Variants in PRKCZ observed in about 807,000 individuals in gnomAD.
PRKCZ encodes protein kinase C zeta type.
A neutral mutation model predicts 79.5 loss-of-function variants in PRKCZ; 33 were observed. That is an observed-to-expected ratio of 0.41 (90% confidence interval 0.31 to 0.55). The LOEUF (loss-of-function observed/expected upper bound fraction) is 0.55, where lower values mean the gene tolerates loss of function less well. PRKCZ is among the 20% of genes least tolerant of loss of function. The pLI is 0.19. For missense variants in PRKCZ, 578 were observed against 813.5 expected (o/e 0.71, Z 3.52); for synonymous variants, 342 against 320.9 (o/e 1.07, Z -0.70).
At chr1:2,104,061 G>T (rs1667947360) in intron 4 of PRKCZ, among the ~76,000 whole-genome samples, 1 of 152,180 alleles carries the variant, frequency 6.6e-6, no homozygotes, top group East Asian at 1.9e-4. Flanking sequence ...GGTTTTCTGG[G>T]GAGAGCAGGG....
Position 2,124,407 on chromosome 1 carries a change from T to G in PRKCZ, c.335-10855T>G, listed in dbSNP as rs372854518. Among the ~76,000 whole-genome samples the G allele has an allele frequency of 2.3e-5, 3 of 132,010 alleles. 1 individual carries two copies. Among genetic ancestry groups the G allele is most frequent in the African/African-American group, 6.2e-5 (2 of 32,460 alleles). The allele number at this position is 132,010 out of a possible 152,430, so 86.6% of individuals were successfully genotyped here. A position where few individuals can be genotyped will look rare whatever the true frequency, so the allele number is the denominator to read the frequency against. On this transcript the variant is annotated intron_variant, in intron 4 of 17. Coordinates refer to ENST00000378567, the MANE Select transcript of PRKCZ (RefSeq NM_002744.6). Reference sequence around the variant, plus strand: ...GTCACGGCGGTGGTTAGGGTCACGGTGGTGGTTAGGGTCACAGGGTAGAAC... The same window carrying G: ...GTCACGGCGGTGGTTAGGGTCACGGGGGTGGTTAGGGTCACAGGGTAGAAC...
intron 4 of PRKCZ, among the ~76,000 whole-genome samples, chr1:2,134,418 T>C (rs921772491): frequency 6.6e-6 from 1 of 152,204 alleles, no homozygotes; most frequent in African/African-American, 2.4e-5. Flanking sequence ...AAGCTTCCCA[T>C]TGTACGTTCC....
intron 4 of PRKCZ, among the ~76,000 whole-genome samples, chr1:2,109,369 C>T (rs1490468124): frequency 3.3e-5 from 5 of 152,236 alleles, no homozygotes; most frequent in Non-Finnish European, 7.3e-5. Flanking sequence ...CTTCCCTTGT[C>T]TCTGGGGGGT....
rs371504744 is a variant in PRKCZ at position 2,175,283 on chromosome 1, C to T, written c.1545C>T (p.His515=). The change falls in exon 16 of 18, where the codon CAC becomes CAT. Residue 515 remains histidine (H), a synonymous_variant. Transcript: ENST00000378567. The part of the protein sequence containing the change: ...PQTGFSDIKS[H]AFFRSIDWDL... ...CTGGATTTTCTGACATCAAGTCCCA[C>T]GCGTTCTTCCGCAGCATAGACTGGG... 1.2e-6 allele frequency: 2 copies of T among 1,613,740 alleles called. No homozygotes were observed. The highest frequency in any genetic ancestry group is 1.7e-6 in the Non-Finnish European group (2 of 1,179,830).
intron 5 of PRKCZ, among the ~76,000 whole-genome samples, chr1:2,139,758 ACC>A (rs1676946328): frequency 6.6e-6 from 1 of 152,122 alleles, no homozygotes; most frequent in Non-Finnish European, 1.5e-5. Flanking sequence ...AAAAGAAATC[ACC>A]CGTCATTCGG....
At chr1:2,066,363 T>C (rs566209693) in intron 4 of PRKCZ, among the ~76,000 whole-genome samples, 28 of 152,216 alleles carry the variant, frequency 1.8e-4, no homozygotes, top group Non-Finnish European at 3.5e-4. Context: ...TTTCTTTCTC[T>C]CTCTCTCTGT....
rs72913414 is a variant in PRKCZ, at chr1:2,054,370, G to C, written c.72-1071G>C. 8.6e-3 allele frequency among the ~76,000 whole-genome samples: 1,311 copies of C among 152,244 alleles called. 15 individuals are homozygous for C. The highest frequency in any genetic ancestry group is 0.03 in the African/African-American group (1,252 of 41,532). ...TCAGGAAACACCAGCTGGGCCCTGT[G>C]GTGGTCCCTCCCCTCCACGCAGGGT... On this transcript the variant is annotated intron_variant, in intron 1 of 17. Transcript: ENST00000378567.
At chr1:2,162,627 T>A (rs1419048438) in intron 10 of PRKCZ, among the ~76,000 whole-genome samples, 3 of 152,172 alleles carry the variant, frequency 2.0e-5, no homozygotes, top group Non-Finnish European at 4.4e-5. Context: ...TATTATTATT[T>A]TTACAGATGG....
At chr1:2,144,584 G>A (rs1678101938) in intron 6 of PRKCZ, 1 of 1,365,650 alleles carries the variant, frequency 7.3e-7, no homozygotes. Context: ...AGCAGGCTCA[G>A]GTAGGACGTG....
chr1:2,103,628 G>A (rs1319006946), intron 4 of PRKCZ, among the ~76,000 whole-genome samples: 2 of 152,198 alleles, frequency 1.3e-5, no homozygotes, highest in Non-Finnish European at 2.9e-5. Context: ...GTGTCTGTAG[G>A]CCTAGCTACG....
At chr1:2,116,213 G>A (rs1229489500) in intron 4 of PRKCZ, 2 of 152,288 alleles carry the variant, frequency 1.3e-5, no homozygotes, top group African/African-American at 2.4e-5. Flanking sequence ...GGGAATTCCC[G>A]ATGCACCTCC....
intron 4 of PRKCZ, among the ~76,000 whole-genome samples, chr1:2,072,080 C>A (rs1489817617): frequency 6.6e-6 from 1 of 152,244 alleles, no homozygotes; most frequent in South Asian, 2.1e-4. Flanking sequence ...CCTCGTTCCC[C>A]ATAGATTTGG....
chr1:2,169,665 G>C, intron 11 of PRKCZ, 61 bp downstream of exon 11: 1 of 1,321,566 alleles, frequency 7.6e-7, no homozygotes, highest in Non-Finnish European at 1.0e-6. Context: ...GTGGGTGCGT[G>C]CGGTGTTGGG....
chr1:2,139,080 A>T lies in PRKCZ; in HGVS notation c.420+3733A>T, dbSNP rs543578951. 1.4e-4 allele frequency among the ~76,000 whole-genome samples: 21 copies of T among 152,350 alleles called. 1 individual carries two copies. In the South Asian group the frequency reaches 3.5e-3, roughly 26 times the overall value. ...AACATACAGGAAAGGGGTTTGTAGC[A>T]CGTAAAACCCAGAAGAGATCCAGAC... On this transcript the variant is annotated intron_variant, in intron 5 of 17. Transcript: ENST00000378567.
In PRKCZ at chr1:2,124,245, T is replaced by C. The variant is rs78989263; in HGVS notation, c.335-11017T>C. On this transcript the variant is annotated intron_variant, in intron 4 of 17. Transcript: ENST00000378567. ...GTCACGGTGGTGGTTAGGGTCACGG[T>C]GGTGGTTAGGGTCATGGCGGTAGTT... Among the ~76,000 whole-genome samples the C allele has an allele frequency of 6.1e-3, 37 of 6,048 alleles. 5 individuals carry two copies. The highest frequency in any genetic ancestry group is 0.024 in the African/African-American group (21 of 890). The allele number at this position is 6,048 out of a possible 152,430, so 4.0% of individuals were successfully genotyped here. A position where few individuals can be genotyped will look rare whatever the true frequency, so the allele number is the denominator to read the frequency against.
Position 2,100,976 on chromosome 1 carries a change from C to T in PRKCZ, c.335-34286C>T, listed in dbSNP as rs186737435. 2.6e-3 allele frequency among the ~76,000 whole-genome samples: 385 copies of T among 148,358 alleles called. 5 individuals carry two copies. The highest frequency in any genetic ancestry group is 9.3e-3 in the African/African-American group (373 of 39,968). On this transcript the variant is annotated intron_variant, in intron 4 of 17. Transcript: ENST00000378567. ...AGTTCATCTTTCGTCCTGTGTCTGA[C>T]TTTCTCTATCATTTCTAAAATGACT...
chr1:2,085,050 A>C (rs2803312), intron 4 of PRKCZ, among the ~76,000 whole-genome samples: 61,121 of 151,276 alleles, frequency 0.4, 13,613 homozygotes, highest in East Asian at 0.83. Context: ...CACAGAAGCC[A>C]GACAGGCTGC....
intron 4 of PRKCZ, among the ~76,000 whole-genome samples, chr1:2,115,846 T>C (rs1670651850): frequency 6.6e-6 from 1 of 152,202 alleles, no homozygotes; most frequent in Admixed American, 6.5e-5. Flanking sequence ...CACCTTGGTA[T>C]ATTCACCAAC....
At position 2,124,932 on chromosome 1, in the gene PRKCZ, G is replaced by A. The variant is rs143387212; in HGVS notation, c.335-10330G>A. Among the ~76,000 whole-genome samples the A allele has an allele frequency of 2.3e-4, 35 of 152,250 alleles. No homozygotes were observed. In the Middle Eastern group the frequency reaches 0.017, roughly 74 times the overall value. ...TCGTGGGAGGAGGGTTAGACTCCTC[G>A]CGTGGCGTCCCTGGCCACATCCTCA... On this transcript the variant is annotated intron_variant, in intron 4 of 17. Transcript: ENST00000378567.
Sources: gnomAD v4.1 joint callset for allele counts (sites outside exome capture counted in the v4.1 genomes callset) on GRCh38, gnomAD v4.1.1 for gene constraint, MANE v1.5 for transcripts, NCBI Gene and HGNC (gene_info 2026-07-23, HGNC 2026-07-21) for gene names.